NAV2: variants seen among roughly 807,000 people sequenced by gnomAD.
The protein encoded by NAV2 is helicase, APC down-regulated 1.
Under a neutral mutation model 223.2 loss-of-function variants are expected in NAV2, and 54 were observed. The observed-to-expected ratio is 0.24, with a 90% CI of 0.19 to 0.30. The LOEUF (loss-of-function observed/expected upper bound fraction) is 0.30, where lower values mean the gene tolerates loss of function less well. NAV2 is among the 10% of genes least tolerant of loss of function. NAV2 has a pLI of 1.00. For synonymous variants in NAV2, 1,279 were observed against 1,239.3 expected, an observed-to-expected ratio of 1.03 and a Z score of -0.67; for missense variants, 2,806 against 3,147.5, an observed-to-expected ratio of 0.89 and a Z score of 2.60.
intron 1 of NAV2, among the ~76,000 whole-genome samples, chr11:19,609,590 G>C (rs2046577445): frequency 6.6e-6 from 1 of 152,202 alleles, no homozygotes; most frequent in Non-Finnish European, 1.5e-5. Flanking sequence ...TGGTTTGTAG[G>C]TTAGTCTTTC....
At chr11:20,074,391 G>A (rs2059591702) in intron 22 of NAV2, among the ~76,000 whole-genome samples, 3 of 152,320 alleles carry the variant, frequency 2.0e-5, no homozygotes, top group African/African-American at 2.4e-5. Context: ...ATGTGGTGCT[G>A]AGAAGAACAT....
chr11:19,630,672 A>G (rs1323996384), intron 1 of NAV2, among the ~76,000 whole-genome samples: 4 of 152,178 alleles, frequency 2.6e-5, no homozygotes, highest in Admixed American at 6.5e-5. Flanking sequence ...GGATCACTTG[A>G]GCTCAGGAGT....
chr11:19,626,244 T>C (rs962055765), intron 1 of NAV2, among the ~76,000 whole-genome samples: 22 of 152,162 alleles, frequency 1.4e-4, no homozygotes, highest in African/African-American at 4.8e-4. Flanking sequence ...TTTCATTCTT[T>C]TACATATCCA....
chr11:19,929,415 G>T (rs1277065604), intron 6 of NAV2, among the ~76,000 whole-genome samples: 1 of 152,130 alleles, frequency 6.6e-6, no homozygotes, highest in African/African-American at 2.4e-5. Context: ...TGTCATAGGG[G>T]ACTTCTGGCT....
chr11:19,996,366 T>G (rs1485894839), intron 11 of NAV2, among the ~76,000 whole-genome samples: 1 of 152,236 alleles, frequency 6.6e-6, no homozygotes, highest in Non-Finnish European at 1.5e-5. Flanking sequence ...TTCTGACCTT[T>G]AAGCCAGTCC....
chr11:19,764,772 G>A (rs2055069064), intron 1 of NAV2, among the ~76,000 whole-genome samples: 1 of 152,108 alleles, frequency 6.6e-6, no homozygotes, highest in Non-Finnish European at 1.5e-5. Flanking sequence ...AACTGGTCAT[G>A]CCCAAACTGG....
intron 1 of NAV2, among the ~76,000 whole-genome samples, chr11:19,603,300 C>T (rs79066087): frequency 0.011 from 1,720 of 152,180 alleles, 29 homozygotes; most frequent in African/African-American, 0.037. Flanking sequence ...TAAACACCCA[C>T]TATGTGCCAG....
chr11:19,758,991 C>T (rs544099683), intron 1 of NAV2, among the ~76,000 whole-genome samples: 65 of 151,834 alleles, frequency 4.3e-4, no homozygotes, highest in African/African-American at 1.5e-3. Context: ...TCTAAAGAAC[C>T]GAATAAGATC....
At chr11:19,606,202 ACT>A (rs886652527) in intron 1 of NAV2, among the ~76,000 whole-genome samples, 6 of 152,124 alleles carry the variant, frequency 3.9e-5, no homozygotes, top group African/African-American at 9.7e-5. Flanking sequence ...GGCTGTGAAG[ACT>A]CTGCAAAGCC....
At chr11:19,564,084 C>T (rs2045185888) in intron 1 of NAV2, among the ~76,000 whole-genome samples, 1 of 152,116 alleles carries the variant, frequency 6.6e-6, no homozygotes. Context: ...GAGCCCGTCC[C>T]CACCTGAACC....
chr11:20,002,511 G>A (rs534946180), intron 11 of NAV2, among the ~76,000 whole-genome samples: 25 of 152,308 alleles, frequency 1.6e-4, no homozygotes, highest in African/African-American at 5.3e-4. Context: ...GCTTCCTGGA[G>A]GTGGTAGGCT....
chr11:19,970,535 G>A (rs1175218653), intron 10 of NAV2, among the ~76,000 whole-genome samples: 5 of 152,134 alleles, frequency 3.3e-5, no homozygotes, highest in South Asian at 2.1e-4. Flanking sequence ...TACCTATCTC[G>A]AGAGTTGAAG....
chr11:19,918,664 C>T (rs2153226097), intron 6 of NAV2, among the ~76,000 whole-genome samples: 1 of 152,296 alleles, frequency 6.6e-6, no homozygotes, highest in South Asian at 2.1e-4. Context: ...TTGCCCTGAT[C>T]AAGTGCAGAA....
chr11:19,506,953 T>TG (rs1207365480), intron 1 of NAV2: 1 of 152,212 alleles, frequency 6.6e-6, no homozygotes, highest in African/African-American at 2.4e-5. Context: ...CATGAGGCCC[T>TG]GTGTGATTGC....
intron 1 of NAV2, among the ~76,000 whole-genome samples, chr11:19,605,985 C>T (rs376383728): frequency 1.3e-5 from 2 of 152,154 alleles, no homozygotes; most frequent in Non-Finnish European, 2.9e-5. Context: ...CCGTTTCAGA[C>T]GGAGGCAAAG....
intron 1 of NAV2, among the ~76,000 whole-genome samples, chr11:19,533,131 G>A (rs1256164169): frequency 1.3e-5 from 2 of 152,126 alleles, no homozygotes; most frequent in East Asian, 1.9e-4. Context: ...TGTCAGTCTA[G>A]GACTAATCAA....
intron 1 of NAV2, chr11:19,504,870 A>G (rs554789912): frequency 6.6e-6 from 1 of 152,336 alleles, no homozygotes; most frequent in East Asian, 1.9e-4. Context: ...ACTGGTCCCA[A>G]TTCGATCCTC....
At chr11:19,454,512 G>T (rs963575848) in intron 1 of NAV2, among the ~76,000 whole-genome samples, 2 of 152,148 alleles carry the variant, frequency 1.3e-5, no homozygotes, top group African/African-American at 4.8e-5. Flanking sequence ...AAGTGTCCTG[G>T]ACTGGAAGAT....
intron 1 of NAV2, among the ~76,000 whole-genome samples, chr11:19,423,188 G>A (rs1440988368): frequency 6.6e-6 from 1 of 152,238 alleles, no homozygotes; most frequent in East Asian, 1.9e-4. Context: ...CAGCAAAGCT[G>A]CCATACCAAA....
Sources: gnomAD v4.1 joint callset for allele counts (sites outside exome capture counted in the v4.1 genomes callset) on GRCh38, gnomAD v4.1.1 for gene constraint, MANE v1.5 for transcripts, NCBI Gene and HGNC (gene_info 2026-07-23, HGNC 2026-07-21) for gene names.